The following BMS1 variants were observed in gnomAD, a reference collection of about 807,000 sequenced individuals.
The protein encoded by BMS1 is ribosome biogenesis protein BMS1 homolog.
A neutral mutation model predicts 138.7 loss-of-function variants in BMS1; 53 were observed. That is an observed-to-expected ratio of 0.38 (90% CI 0.31 to 0.48). The LOEUF (loss-of-function observed/expected upper bound fraction) is 0.48, where lower values mean the gene tolerates loss of function less well. BMS1 is among the 20% of genes least tolerant of loss of function. BMS1 has a pLI of 0.97. For missense variants in BMS1, 1,360 were observed against 1,565.5 expected, an observed-to-expected ratio of 0.87 and a Z score of 2.22; for synonymous variants, 504 against 539.9, an observed-to-expected ratio of 0.93 and a Z score of 0.92.
Position 42,793,032 on chromosome 10 carries a change from G to A in BMS1, c.977G>A (p.Arg326His), listed in dbSNP as rs374294179. The change falls in exon 8 of 23, where the codon CGC (arginine) becomes CAC (histidine). Residue 326 changes from arginine (R) to histidine (H), a missense_variant. Transcript: ENST00000374518. ...GCTCTTCCTGAACAACAAAAGAAGC[G>A]CTGTTTAAATGAGAAGGAGAAGCTG... ...PCALPEQQKKRCLNEKEKLVY... is the reference protein window; with the variant it reads ...PCALPEQQKKHCLNEKEKLVY... 22 of 1,613,928 alleles carry A rather than the reference G, an allele frequency of 1.4e-5. No homozygotes were observed. Among genetic ancestry groups the A allele is most frequent in the African/African-American group, 9.3e-5 (7 of 74,892 alleles).
chr10:42,810,726 T>C (rs1044128201), intron 13 of BMS1, among the ~76,000 whole-genome samples: 5 of 152,138 alleles, frequency 3.3e-5, no homozygotes, highest in Admixed American at 1.3e-4. Flanking sequence ...TGAATTTTGG[T>C]AGTTTATGAT....
At position 42,820,511 on chromosome 10, in the gene BMS1, C is replaced by T. The variant is rs766760047; in HGVS notation, c.2773C>T (p.Arg925Cys). 11 of 1,610,162 alleles carry T rather than the reference C, an allele frequency of 6.8e-6. No individual in the cohort carries two copies. The highest frequency in any genetic ancestry group is 2.2e-5 in the East Asian group (1 of 44,886). ...SEGNVGYVQM[R>C]LKKHRWYKKI... Reference sequence around the variant, plus strand: ...TCTTACCCTCTCGTCCCCTCAGATGCGTCTGAAGAAACATCGCTGGTATAA... The same window carrying T: ...TCTTACCCTCTCGTCCCCTCAGATGTGTCTGAAGAAACATCGCTGGTATAA... Residue 925 changes from arginine (R) to cysteine (C), a missense_variant, in exon 17 of 23, where the codon CGT (arginine) becomes TGT (cysteine). Transcript: ENST00000374518.
At position 42,829,347 on chromosome 10, in the gene BMS1, A is replaced by G. The variant is rs1206814886; in HGVS notation, c.3457-914A>G. Among the ~76,000 whole-genome samples, 5 of 152,206 alleles carry G rather than the reference A, an allele frequency of 3.3e-5. No homozygotes were observed. The East Asian group carries it at 7.8e-4, about 24-fold the overall frequency. On this transcript the variant is annotated intron_variant, in intron 21 of 22. Coordinates refer to ENST00000374518, the MANE Select transcript of BMS1 (RefSeq NM_014753.4). Reference sequence around the variant, plus strand: ...AATTTGGGTCATCTCAATTAAATATAGAATTTAAGATTACCTTGAAAATTC... The same window carrying G: ...AATTTGGGTCATCTCAATTAAATATGGAATTTAAGATTACCTTGAAAATTC...
At position 42,794,227 on chromosome 10, in the gene BMS1, C is replaced by G. The variant is rs1841603076; in HGVS notation, c.1229+236C>G. Among the ~76,000 whole-genome samples the G allele has an allele frequency of 2.6e-5, 4 of 152,212 alleles. 1 individual carries two copies. The highest frequency in any genetic ancestry group is 2.6e-4 in the Admixed American group (4 of 15,278). On this transcript the variant is annotated intron_variant, in intron 9 of 22. Transcript: ENST00000374518. ...CAGACCCCAAATATTCCTCAAATAC[C>G]ATGCCATCTTCCATAGGTTGCCTTT...
chr10:42,813,123 T>G (rs1434697223), intron 13 of BMS1, among the ~76,000 whole-genome samples: 1 of 152,216 alleles, frequency 6.6e-6, no homozygotes, highest in Non-Finnish European at 1.5e-5. Flanking sequence ...CCTTAAAAAA[T>G]TAATGATTAC....
chr10:42,833,101 G>T lies in BMS1; in HGVS notation c.*2005G>T, dbSNP rs1416378828. 1 of 152,146 alleles carries T rather than the reference G, an allele frequency of 6.6e-6. No homozygotes were observed. Among genetic ancestry groups the T allele is most frequent in the Admixed American group, 6.5e-5 (1 of 15,272 alleles). 9.4% of individuals were successfully genotyped at this position (152,146 alleles called of 1,614,324 possible). On this transcript the variant is annotated 3_prime_UTR_variant, in exon 23 of 23. Coordinates refer to ENST00000374518, the MANE Select transcript of BMS1 (RefSeq NM_014753.4). ...CAGAAGAGTGGAATCCTTTAGCAAT[G>T]GGGGAAATAAAAGAATGTTTAATTA...
intron 9 of BMS1, among the ~76,000 whole-genome samples, chr10:42,795,649 C>A (rs1841661261): frequency 6.6e-6 from 1 of 152,062 alleles, no homozygotes; most frequent in African/African-American, 2.4e-5. Flanking sequence ...ACTTACCCGT[C>A]TCTTATGGTA....
chr10:42,799,337 T>C (rs1247756883), intron 12 of BMS1, among the ~76,000 whole-genome samples: 1 of 152,220 alleles, frequency 6.6e-6, no homozygotes, highest in Non-Finnish European at 1.5e-5. Flanking sequence ...AACTCTGGGT[T>C]CGAATGATCT....
intron 9 of BMS1, 147 bp downstream of exon 9, chr10:42,794,138 C>T: frequency 1.2e-6 from 1 of 845,654 alleles, no homozygotes; most frequent in Non-Finnish European, 1.8e-6. Context: ...TCTGAGGGCT[C>T]TTCACTTACC....
At chr10:42,813,946 T>C (rs1842262593) in intron 13 of BMS1, among the ~76,000 whole-genome samples, 1 of 152,340 alleles carries the variant, frequency 6.6e-6, no homozygotes, top group South Asian at 2.1e-4. Context: ...TTTGTTTCTT[T>C]GGTTGGTTTT....
chr10:42,792,418 G>C, intron 6 of BMS1, 75 bp from the exon 7 acceptor site: 2 of 1,559,312 alleles, frequency 1.3e-6, no homozygotes, highest in South Asian at 2.4e-5. Context: ...AGAGTGTGAT[G>C]AATCATTGAC....
chr10:42,803,591 C>G (rs1415748791), intron 13 of BMS1, among the ~76,000 whole-genome samples: 1 of 151,992 alleles, frequency 6.6e-6, no homozygotes, highest in Non-Finnish European at 1.5e-5. Context: ...TTATTAAAAC[C>G]GTGTCTCAAC....
intron 13 of BMS1, among the ~76,000 whole-genome samples, chr10:42,813,126 A>G (rs927482613): frequency 6.6e-6 from 1 of 152,202 alleles, no homozygotes; most frequent in Non-Finnish European, 1.5e-5. Flanking sequence ...TAAAAAATTA[A>G]TGATTACATA....
Position 42,823,727 on chromosome 10 carries a change from C to T in BMS1, c.3399C>T (p.Gly1133=), listed in dbSNP as rs750036687. 3 of 1,595,866 alleles carry T rather than the reference C, an allele frequency of 1.9e-6. No individual in the cohort carries two copies. The highest frequency in any genetic ancestry group is 2.5e-6 in the Non-Finnish European group (3 of 1,179,560). Reference sequence around the variant, plus strand: ...CCTGGTCAGGAATGCGGACCACGGGCCAACTCAGGCTCGCCCATGGCGTCA... The same window carrying T: ...CCTGGTCAGGAATGCGGACCACGGGTCAACTCAGGCTCGCCCATGGCGTCA... The part of the protein sequence containing the change: ...KDTWSGMRTT[G]QLRLAHGVRL... The change falls in exon 21 of 23, where the codon GGC becomes GGT. Residue 1133 remains glycine, a synonymous_variant. Coordinates refer to ENST00000374518, the MANE Select transcript of BMS1 (RefSeq NM_014753.4).
chr10:42,818,175 C>T lies in BMS1; in HGVS notation c.2580+681C>T, dbSNP rs145499595. On this transcript the variant is annotated intron_variant, in intron 15 of 22. Transcript: ENST00000374518. ...CAGATTAGGTATATGATTTGTGAAACGGAGTTTCATCCTAGGTCTTCATCT... is the reference window on the plus strand; with the variant it reads ...CAGATTAGGTATATGATTTGTGAAATGGAGTTTCATCCTAGGTCTTCATCT... 9.8e-5 allele frequency among the ~76,000 whole-genome samples: 15 copies of T among 152,300 alleles called. 1 individual carries two copies. The highest frequency in any genetic ancestry group is 5.8e-4 in the East Asian group (3 of 5,180).
intron 21 of BMS1, among the ~76,000 whole-genome samples, chr10:42,825,766 CT>C (rs967200040): frequency 4.6e-5 from 7 of 151,818 alleles, no homozygotes; most frequent in East Asian, 1.9e-4. Flanking sequence ...ATTTAGTTGC[CT>C]TTTTTTTCTC....
Position 42,823,650 on chromosome 10 carries a change from G to C in BMS1, c.3322G>C (p.Ala1108Pro), listed in dbSNP as rs527897513. 3.8e-6 allele frequency: 6 copies of C among 1,592,448 alleles called. No individual in the cohort carries two copies. Among genetic ancestry groups the C allele is most frequent in the African/African-American group, 1.3e-5 (1 of 74,774 alleles). ...MRTWYPVSIP[A>P]FYNPVTSLLK... ...AACTTGGTATCCTGTTTCCATCCCA[G>C]CGTTCTATAACCCAGTAACATCTTT... Residue 1108 changes from alanine to proline, a missense_variant, in exon 21 of 23, where the codon GCG becomes CCG. Ala to Pro is a conservative substitution (Grantham distance 27). This residue lies in a region of BMS1 where 425 missense variants were observed against 568.3 expected (regional missense o/e 0.75). Transcript: ENST00000374518.
chr10:42,791,275 G>T (rs1841496995), intron 5 of BMS1, among the ~76,000 whole-genome samples: 1 of 152,168 alleles, frequency 6.6e-6, no homozygotes, highest in Admixed American at 6.5e-5. Context: ...TTGGGGTCAG[G>T]ACTTAATAGA....
chr10:42,802,246 A>G (rs540446131), intron 13 of BMS1, 28 bp downstream of exon 13: 2 of 1,594,022 alleles, frequency 1.3e-6, no homozygotes, highest in African/African-American at 1.3e-5. Context: ...TTCTTCAGGA[A>G]GACTGGCTTC....
Sources: gnomAD v4.1 joint callset for allele counts (sites outside exome capture counted in the v4.1 genomes callset) on GRCh38, gnomAD v4.1.1 for gene constraint, gnomAD v4.1.1 regional missense constraint, MANE v1.5 for transcripts, NCBI Gene and HGNC (gene_info 2026-07-23, HGNC 2026-07-21) for gene names.